The following MYO10 variants were observed in gnomAD, a reference collection of about 807,000 sequenced individuals.
MYO10 encodes the protein myosin X.
In MYO10, 133 loss-of-function variants were observed where a neutral mutation model predicts 257.3. The ratio of observed to expected loss-of-function variants is 0.52; its 90% CI spans 0.45 to 0.60. The LOEUF is 0.60. Ranked by LOEUF, MYO10 falls within the 20% of genes least tolerant of loss-of-function variation. The pLI is 0.00. For synonymous variants in MYO10, 1,104 were observed against 1,028.6 expected, an observed-to-expected ratio of 1.07 and a Z score of -1.40; for missense variants, 2,399 against 2,635.7, an observed-to-expected ratio of 0.91 and a Z score of 1.97.
intron 1 of MYO10, among the ~76,000 whole-genome samples, chr5:16,921,780 T>C (rs758693985): frequency 6.6e-6 from 1 of 152,142 alleles, no homozygotes; most frequent in Non-Finnish European, 1.5e-5. Flanking sequence ...CTGAAGACAG[T>C]TGGTTGTCAC....
chr5:16,678,515 G>A (rs1736839830), intron 33 of MYO10, among the ~76,000 whole-genome samples: 1 of 152,228 alleles, frequency 6.6e-6, no homozygotes, highest in East Asian at 1.9e-4. Context: ...GGGAGGCGGA[G>A]GTTGCAGTGA....
intron 19 of MYO10, among the ~76,000 whole-genome samples, chr5:16,735,151 T>C (rs559015573): frequency 1.3e-5 from 2 of 152,330 alleles, no homozygotes; most frequent in South Asian, 4.1e-4. Flanking sequence ...AAAGAGTAAC[T>C]TGCTTTATCA....
chr5:16,917,654 C>T (rs193788), intron 1 of MYO10, among the ~76,000 whole-genome samples: 119,591 of 150,268 alleles, frequency 0.8, 48,122 homozygotes, highest in African/African-American at 0.91. Flanking sequence ...AACCCAGAAG[C>T]TCAAGACCAG....
At chr5:16,776,560 A>G (rs1475100354) in intron 9 of MYO10, among the ~76,000 whole-genome samples, 1 of 152,226 alleles carries the variant, frequency 6.6e-6, no homozygotes, top group African/African-American at 2.4e-5. Flanking sequence ...TGTCAATTTC[A>G]TGTATAAATT....
chr5:16,728,050 C>A (rs1739440731), intron 19 of MYO10, among the ~76,000 whole-genome samples: 1 of 152,160 alleles, frequency 6.6e-6, no homozygotes, highest in South Asian at 2.1e-4. Flanking sequence ...ACACAAGTGG[C>A]CTGAAAATCA....
At chr5:16,899,070 G>C (rs1416044877) in intron 1 of MYO10, among the ~76,000 whole-genome samples, 1 of 150,326 alleles carries the variant, frequency 6.7e-6, no homozygotes, top group Non-Finnish European at 1.5e-5. Context: ...GGGAGGCAGA[G>C]GTTGCAGTGA....
intron 9 of MYO10, among the ~76,000 whole-genome samples, chr5:16,774,762 T>C (rs1741167112): frequency 6.6e-6 from 1 of 152,164 alleles, no homozygotes; most frequent in Non-Finnish European, 1.5e-5. Flanking sequence ...ATTTTAAAAA[T>C]ACTTTATAAT....
intron 2 of MYO10, among the ~76,000 whole-genome samples, chr5:16,858,364 G>A (rs1744018910): frequency 6.6e-6 from 1 of 151,078 alleles, no homozygotes; most frequent in African/African-American, 2.4e-5. Context: ...GCTTTACACA[G>A]GAATGCTGTG....
At chr5:16,783,294 A>T (rs761753301) in intron 5 of MYO10, 41 bp downstream of exon 5, 3 of 1,510,766 alleles carry the variant, frequency 2.0e-6, no homozygotes, top group Non-Finnish European at 2.7e-6. Flanking sequence ...CCATAAGGAA[A>T]GTGAATCCTA....
chr5:16,676,251 C>T (rs573007918), intron 33 of MYO10, 97 bp from the exon 34 acceptor site: 10 of 1,428,714 alleles, frequency 7.0e-6, no homozygotes, highest in Non-Finnish European at 9.5e-6. Flanking sequence ...CCTAGTGGGG[C>T]AAAGATGGTG....
At chr5:16,914,068 A>G (rs934879254) in intron 1 of MYO10, among the ~76,000 whole-genome samples, 13 of 152,224 alleles carry the variant, frequency 8.5e-5, no homozygotes, top group Admixed American at 4.6e-4. Flanking sequence ...AAGCAAAGGA[A>G]CATGAGCAAG....
At chr5:16,680,777 C>T (rs1736956736) in intron 32 of MYO10, among the ~76,000 whole-genome samples, 1 of 152,312 alleles carries the variant, frequency 6.6e-6, no homozygotes, top group Admixed American at 6.5e-5. Flanking sequence ...ATAGGACGCT[C>T]ATCGTACAAT....
chr5:16,850,599 G>A (rs954940284), intron 2 of MYO10, among the ~76,000 whole-genome samples: 18 of 151,344 alleles, frequency 1.2e-4, no homozygotes, highest in African/African-American at 3.9e-4. Flanking sequence ...AATAATTTTA[G>A]AAAGAAAAAT....
chr5:16,811,469 C>T (rs1348048644), intron 3 of MYO10, among the ~76,000 whole-genome samples: 3 of 152,192 alleles, frequency 2.0e-5, no homozygotes, highest in Admixed American at 6.5e-5. Context: ...TCTCCCGCTG[C>T]GATGAGGCCG....
At chr5:16,790,754 C>T (rs1332285916) in intron 4 of MYO10, among the ~76,000 whole-genome samples, 2 of 152,050 alleles carry the variant, frequency 1.3e-5, no homozygotes, top group Non-Finnish European at 1.5e-5. Flanking sequence ...AGTGTGAAAA[C>T]GGACTAATAC....
intron 2 of MYO10, among the ~76,000 whole-genome samples, chr5:16,860,328 G>GAC (rs1382883039): frequency 2.6e-5 from 4 of 152,122 alleles, no homozygotes; most frequent in African/African-American, 9.7e-5. Context: ...TGGGGTAGGG[G>GAC]ACACAGTGAG....
intron 2 of MYO10, among the ~76,000 whole-genome samples, chr5:16,831,148 G>T (rs1299388230): frequency 6.6e-6 from 1 of 152,120 alleles, no homozygotes; most frequent in Non-Finnish European, 1.5e-5. Context: ...ATCAGGAAAT[G>T]CAAATCAAAA....
At chr5:16,852,971 A>AG in intron 2 of MYO10, among the ~76,000 whole-genome samples, 1 of 152,328 alleles carries the variant, frequency 6.6e-6, no homozygotes, top group East Asian at 1.9e-4. Context: ...TAGTGAGGGT[A>AG]GAACTAGGAA....
chr5:16,707,153 T>A (rs1369690843), intron 21 of MYO10, among the ~76,000 whole-genome samples: 2 of 152,180 alleles, frequency 1.3e-5, no homozygotes, highest in Non-Finnish European at 2.9e-5. Context: ...GCCTTTACTC[T>A]TCCTTCATCT....
Sources: allele counts gnomAD v4.1 joint callset (sites outside exome capture counted in the v4.1 genomes callset), GRCh38; gene constraint gnomAD v4.1.1; transcripts MANE v1.5; gene names NCBI Gene and HGNC (gene_info 2026-07-23, HGNC 2026-07-21).